Variants in RXYLT1 observed in about 807,000 individuals in gnomAD.
RXYLT1 encodes the protein ribitol xylosyltransferase 1.
A neutral mutation model predicts 43.5 loss-of-function variants in RXYLT1; 41 were observed. The ratio of observed to expected loss-of-function variants is 0.94; its 90% CI spans 0.73 to 1.22. The LOEUF is 1.22. Ranked by LOEUF, RXYLT1 falls within the 50% of genes most tolerant of loss-of-function variation. The probability of loss-of-function intolerance (pLI) is 0.00; values close to 1 mark genes in which losing one functional copy is unlikely to be tolerated. For missense variants in RXYLT1, 514 were observed against 532.0 expected, an observed-to-expected ratio of 0.97 and a Z score of 0.33; for synonymous variants, 166 against 194.4, an observed-to-expected ratio of 0.85 and a Z score of 1.21.
At chr12:63,795,499 G>A (rs1366415155) in intron 3 of RXYLT1, 1 of 151,260 alleles carries the variant, frequency 6.6e-6, no homozygotes, top group Non-Finnish European at 1.5e-5. Context: ...AGGATCACCT[G>A]AGCCTGCGAG....
intron 3 of RXYLT1, among the ~76,000 whole-genome samples, chr12:63,799,302 C>CTTTTTTTTTTTTTT (rs11312130): frequency 1.4e-5 from 1 of 71,632 alleles, no homozygotes. Flanking sequence ...CTTTTCTTTT[C>CTTTTTTTTTTTTTT]TTTTTTTTTT....
intron 5 of RXYLT1, chr12:63,808,445 G>A (rs1028547667): frequency 4.8e-5 from 25 of 522,272 alleles, no homozygotes; most frequent in African/African-American, 4.2e-4. Flanking sequence ...CCATTCAGAA[G>A]TGTTACGGTG....
chr12:63,803,181 C>CAAAAAAAAAA (rs763579072), intron 4 of RXYLT1, among the ~76,000 whole-genome samples: 2 of 22,596 alleles, frequency 8.9e-5, no homozygotes, highest in African/African-American at 1.5e-4. Flanking sequence ...ACTGTCTCAC[C>CAAAAAAAAAA]AAAAAAAAAA....
intron 3 of RXYLT1, among the ~76,000 whole-genome samples, chr12:63,796,559 C>T (rs931648673): frequency 6.6e-6 from 1 of 152,166 alleles, no homozygotes; most frequent in African/African-American, 2.4e-5. Flanking sequence ...TTGAATCAGT[C>T]ATCAGCTGAT....
At chr12:63,795,285 A>AAGAAGAAGAAG (rs1565903311) in intron 3 of RXYLT1, among the ~76,000 whole-genome samples, 6 of 150,172 alleles carry the variant, frequency 4.0e-5, no homozygotes, top group African/African-American at 1.5e-4. Context: ...TGTCAAAAAA[A>AAGAAGAAGAAG]AAGAAGAAGA....
intron 3 of RXYLT1, among the ~76,000 whole-genome samples, chr12:63,786,855 T>C (rs12228292): frequency 0.13 from 19,887 of 152,220 alleles, 1,648 homozygotes; most frequent in East Asian, 0.33. Context: ...GGCTCATGCC[T>C]GTAATCCCAG....
At chr12:63,780,535 C>T (rs951250990) in intron 1 of RXYLT1, 15 of 1,024,200 alleles carry the variant, frequency 1.5e-5, no homozygotes, top group South Asian at 1.3e-4. Context: ...CAGACTTTAC[C>T]TCCAAATTCT....
chr12:63,795,681 A>G (rs1898016407), intron 3 of RXYLT1: 1 of 152,068 alleles, frequency 6.6e-6, no homozygotes, highest in Non-Finnish European at 1.5e-5. Flanking sequence ...TGTCTTCAAA[A>G]TGTATAATAA....
At chr12:63,796,963 CTTTTTTTTTTTTT>C (rs776895611) in intron 3 of RXYLT1, among the ~76,000 whole-genome samples, 1 of 132,330 alleles carries the variant, frequency 7.6e-6, no homozygotes, top group African/African-American at 2.8e-5. Flanking sequence ...TTTTCTTTTT[CTTTTTTTTTTTTT>C]TTTTTGTGAC....
Position 63,787,052 on chromosome 12 carries a change from G to A in RXYLT1, c.428+1980G>A, listed in dbSNP as rs11175171. 7.7e-4 allele frequency among the ~76,000 whole-genome samples: 117 copies of A among 152,226 alleles called. No individual in the cohort carries two copies. The East Asian group carries it at 0.02, about 26-fold the overall frequency. ...TCCTTGAACCTGGGAGTCAGAGGAT[G>A]CAGTGAGGTAAGATCATGCCACTGC... On this transcript the variant is annotated intron_variant, in intron 3 of 5. Transcript: ENST00000261234.
chr12:63,784,920 T>C (rs1258789453), intron 2 of RXYLT1, 50 bp from the exon 3 acceptor site: 7 of 1,497,858 alleles, frequency 4.7e-6, no homozygotes, highest in Non-Finnish European at 6.5e-6. Context: ...TGCACTAAAG[T>C]AGATGAGACA....
rs1004638952 is a variant in RXYLT1, at chr12:63,808,878, T to C, written c.1118T>C (p.Leu373Pro). 1.2e-6 allele frequency: 2 copies of C among 1,614,088 alleles called. No homozygotes were observed. The highest frequency in any genetic ancestry group is 2.7e-5 in the African/African-American group (2 of 74,946). The part of the protein sequence containing the change: ...GNTSVHHGAP[L>P]QLLKSMGAPF... ...ACATCTGTGCACCACGGTGCTCCTC[T>C]GCAGTTACTCAAGTCCATGGGTGCT... is the stretch of plus-strand genomic sequence containing the variant. The change falls in exon 6 of 6, where the codon CTG becomes CCG. Residue 373 changes from leucine (L) to proline (P), a missense_variant. By Grantham distance (98) the Leu-to-Pro change is moderately conservative. Transcript: ENST00000261234.
At chr12:63,797,607 G>A (rs1451717313) in intron 3 of RXYLT1, among the ~76,000 whole-genome samples, 1 of 152,184 alleles carries the variant, frequency 6.6e-6, no homozygotes, top group Non-Finnish European at 1.5e-5. Flanking sequence ...GATTGAGCAA[G>A]GGCCAGATCA....
intron 2 of RXYLT1, among the ~76,000 whole-genome samples, chr12:63,783,985 C>G (rs1897745470): frequency 6.6e-6 from 1 of 152,076 alleles, no homozygotes; most frequent in South Asian, 2.1e-4. Context: ...TCCCTTGCCT[C>G]ACTCTGACAC....
intron 3 of RXYLT1, among the ~76,000 whole-genome samples, chr12:63,789,419 G>A (rs762617442): frequency 5.3e-5 from 8 of 151,976 alleles, no homozygotes; most frequent in Non-Finnish European, 1.0e-4. Flanking sequence ...ACTTCCCACC[G>A]GGCACCTCCC....
intron 3 of RXYLT1, among the ~76,000 whole-genome samples, chr12:63,790,984 A>C (rs1897908893): frequency 6.6e-6 from 1 of 152,188 alleles, no homozygotes; most frequent in Non-Finnish European, 1.5e-5. Context: ...TTCCTTAACT[A>C]AGTACTGCAA....
intron 3 of RXYLT1, among the ~76,000 whole-genome samples, chr12:63,798,212 C>G (rs546366062): frequency 6.6e-6 from 1 of 152,100 alleles, no homozygotes; most frequent in East Asian, 1.9e-4. Flanking sequence ...TTTCCAAGCT[C>G]TCAAACATTG....
At chr12:63,780,780 T>G (rs1026649772) in intron 1 of RXYLT1, among the ~76,000 whole-genome samples, 42 of 152,234 alleles carry the variant, frequency 2.8e-4, no homozygotes, top group African/African-American at 9.9e-4. Flanking sequence ...GAAGAGAATT[T>G]TCCTGTCTCA....
chr12:63,789,477 TG>T (rs1251317183), intron 3 of RXYLT1, among the ~76,000 whole-genome samples: 2 of 152,116 alleles, frequency 1.3e-5, no homozygotes, highest in Non-Finnish European at 2.9e-5. Context: ...GAGATTTGGG[TG>T]GGGACACAGC....
Sources: gnomAD v4.1 joint callset for allele counts (sites outside exome capture counted in the v4.1 genomes callset) on GRCh38, gnomAD v4.1.1 for gene constraint, MANE v1.5 for transcripts, NCBI Gene and HGNC (gene_info 2026-07-23, HGNC 2026-07-21) for gene names.